The following NSMCE1 variants were observed in gnomAD, a reference collection of about 807,000 sequenced individuals.
NSMCE1 encodes NSE1 component of SMC5/6 complex, also known as non-structural maintenance of chromosomes element 1 homolog.
In NSMCE1, 18 loss-of-function variants were observed where a neutral mutation model predicts 29.6. The ratio of observed to expected loss-of-function variants is 0.61; its 90% CI spans 0.42 to 0.90. NSMCE1 has a LOEUF of 0.90. Ranked by LOEUF, NSMCE1 falls within the 40% of genes least tolerant of loss-of-function variation. The probability of loss-of-function intolerance (pLI) is 0.00; values close to 1 mark genes in which losing one functional copy is unlikely to be tolerated. For synonymous variants in NSMCE1, 124 were observed against 133.4 expected (o/e 0.93, Z 0.49); for missense variants, 314 against 343.6 (o/e 0.91, Z 0.68).
At chr16:27,243,426 T>C (rs963481372) in intron 2 of NSMCE1, among the ~76,000 whole-genome samples, 2 of 152,134 alleles carry the variant, frequency 1.3e-5, no homozygotes, top group African/African-American at 2.4e-5. Flanking sequence ...AGATTGAACA[T>C]ACAAACAGCC....
chr16:27,230,705 C>T (rs930209402), intron 5 of NSMCE1: 1 of 152,394 alleles, frequency 6.6e-6, no homozygotes, highest in Non-Finnish European at 1.5e-5. Flanking sequence ...AGAAGCCTCT[C>T]TAGGGCTACT....
chr16:27,230,033 G>T (rs1210873182), intron 5 of NSMCE1, among the ~76,000 whole-genome samples: 1 of 152,202 alleles, frequency 6.6e-6, no homozygotes, highest in Admixed American at 6.5e-5. Flanking sequence ...TCTCCCAGGC[G>T]CCTCGCCACA....
intron 4 of NSMCE1, 158 bp downstream of exon 4, chr16:27,234,030 G>C: frequency 1.6e-6 from 1 of 614,212 alleles, no homozygotes; most frequent in Admixed American, 2.8e-5. Flanking sequence ...CAGATGGGTA[G>C]ACAGTGACAT....
At chr16:27,248,775 G>A (rs968280764) in intron 2 of NSMCE1, among the ~76,000 whole-genome samples, 5 of 151,696 alleles carry the variant, frequency 3.3e-5, no homozygotes, top group South Asian at 2.1e-4. Context: ...CTGTACAACC[G>A]ATTTGCAGTG....
chr16:27,267,515 C>T (rs1220914433), intron 1 of NSMCE1, among the ~76,000 whole-genome samples: 1 of 152,004 alleles, frequency 6.6e-6, no homozygotes, highest in African/African-American at 2.4e-5. Flanking sequence ...CACTCTCTAT[C>T]CAGCGAGAGT....
intron 2 of NSMCE1, among the ~76,000 whole-genome samples, chr16:27,250,262 G>C (rs1046653407): frequency 6.6e-6 from 1 of 151,868 alleles, no homozygotes; most frequent in African/African-American, 2.4e-5. Context: ...TCTTTTTCTC[G>C]CCTCAGTACA....
intron 5 of NSMCE1, 51 bp from the exon 6 acceptor site, chr16:27,226,887 T>C: frequency 1.9e-6 from 2 of 1,079,348 alleles, no homozygotes; most frequent in Non-Finnish European, 2.9e-6. Flanking sequence ...CTCTCCCCAT[T>C]CACCACCTCT....
intron 2 of NSMCE1, among the ~76,000 whole-genome samples, chr16:27,248,678 G>T (rs536178687): frequency 1.3e-5 from 2 of 152,160 alleles, no homozygotes; most frequent in South Asian, 4.1e-4. Context: ...CAAACTGCTG[G>T]GATTACAGGT....
At chr16:27,225,482 C>A (rs1243997457) in intron 7 of NSMCE1, among the ~76,000 whole-genome samples, 1 of 152,236 alleles carries the variant, frequency 6.6e-6, no homozygotes, top group Non-Finnish European at 1.5e-5. Flanking sequence ...AGAGAGAGAG[C>A]CTTGTCTAGA....
At chr16:27,254,861 C>T (rs1220378722) in intron 2 of NSMCE1, among the ~76,000 whole-genome samples, 1 of 130,348 alleles carries the variant, frequency 7.7e-6, no homozygotes, top group Non-Finnish European at 1.6e-5. Flanking sequence ...TAAAGTCCAA[C>T]CATGCTTTTT....
At chr16:27,243,757 C>A (rs1275289131) in intron 2 of NSMCE1, among the ~76,000 whole-genome samples, 1 of 152,076 alleles carries the variant, frequency 6.6e-6, no homozygotes, top group Non-Finnish European at 1.5e-5. Flanking sequence ...CTCAAGTGAT[C>A]CCCCCACCTC....
At chr16:27,233,215 C>T in intron 4 of NSMCE1, 68 bp from the exon 5 acceptor site, 1 of 1,443,970 alleles carries the variant, frequency 6.9e-7, no homozygotes, top group Non-Finnish European at 9.6e-7. Context: ...ATGGTAATAC[C>T]AAGTCTGGCA....
At chr16:27,255,455 C>T (rs779019721) in intron 2 of NSMCE1, among the ~76,000 whole-genome samples, 1 of 152,166 alleles carries the variant, frequency 6.6e-6, no homozygotes, top group African/African-American at 2.4e-5. Flanking sequence ...AGAATGTATT[C>T]TCTTCCCACA....
At position 27,238,538 on chromosome 16, in the gene NSMCE1, T is replaced by TTTTC. The variant is rs769426109; in HGVS notation, c.137-3243_137-3240dup. ...CCCTCCCTAACGAGACCTTCGCCTT[T>TTTTC]TTTCTTTTTTTTTTTTTACAATTGT... is the stretch of plus-strand genomic sequence containing the variant. On this transcript the variant is annotated intron_variant, in intron 2 of 7. Transcript: ENST00000361439. Among the ~76,000 whole-genome samples, 60 of 87,482 alleles carry TTTTC rather than the reference T, an allele frequency of 6.9e-4. No individual in the cohort carries two copies. In the East Asian group the frequency reaches 9.3e-3, roughly 14 times the overall value. 57.4% of individuals were successfully genotyped at this position (87,482 alleles called of 152,430 possible).
At chr16:27,233,910 G>A (rs542533425) in intron 4 of NSMCE1, 71 of 384,864 alleles carry the variant, frequency 1.8e-4, no homozygotes, top group Middle Eastern at 6.6e-4. Context: ...AGGCAGGAAC[G>A]CCTGTTACTA....
chr16:27,247,789 T>C (rs2083973047), intron 2 of NSMCE1, among the ~76,000 whole-genome samples: 1 of 151,994 alleles, frequency 6.6e-6, no homozygotes, highest in South Asian at 2.1e-4. Flanking sequence ...TAGCCGGGCG[T>C]GGTGGCACAC....
chr16:27,239,800 T>G (rs920078639), intron 2 of NSMCE1, among the ~76,000 whole-genome samples: 2 of 152,154 alleles, frequency 1.3e-5, no homozygotes, highest in Non-Finnish European at 2.9e-5. Flanking sequence ...ATCAAGCAAG[T>G]TGAACCTCTA....
At position 27,254,161 on chromosome 16, in the gene NSMCE1, C is replaced by A. The variant is rs570801580; in HGVS notation, c.136+3274G>T. Among the ~76,000 whole-genome samples the A allele has an allele frequency of 2.0e-5, 3 of 152,234 alleles. No homozygotes were observed. The South Asian group carries it at 6.2e-4, about 32-fold the overall frequency. On this transcript the variant is annotated intron_variant, in intron 2 of 7. Transcript: ENST00000361439. Reference sequence around the variant, plus strand: ...AGGAAATTAATAATATTGGGTCTTGCGAGTATTCACTTAAGTTTAGATAAT... The same window carrying A: ...AGGAAATTAATAATATTGGGTCTTGAGAGTATTCACTTAAGTTTAGATAAT...
At chr16:27,241,824 T>A (rs1426692280) in intron 2 of NSMCE1, 1 of 454,980 alleles carries the variant, frequency 2.2e-6, no homozygotes, top group Non-Finnish European at 4.4e-6. Flanking sequence ...CAGCAACCAA[T>A]GCAGAGGCGA....
Sources: gnomAD v4.1 joint callset for allele counts (sites outside exome capture counted in the v4.1 genomes callset) on GRCh38, gnomAD v4.1.1 for gene constraint, MANE v1.5 for transcripts, NCBI Gene and HGNC (gene_info 2026-07-23, HGNC 2026-07-21) for gene names.